BPHL: variants seen among roughly 807,000 people sequenced by gnomAD.
BPHL encodes biphenyl hydrolase like.
Under a neutral mutation model 31.2 loss-of-function variants are expected in BPHL, and 27 were observed. The observed-to-expected ratio is 0.87, with a 90% CI of 0.64 to 1.19. The LOEUF (loss-of-function observed/expected upper bound fraction) is 1.19. BPHL is among the 50% of genes most tolerant of loss of function. The probability of loss-of-function intolerance (pLI) is 0.00; values close to 1 mark genes in which losing one functional copy is unlikely to be tolerated. For missense variants in BPHL, 356 were observed against 375.7 expected (o/e 0.95, Z 0.43); for synonymous variants, 150 against 146.8 (o/e 1.02, Z -0.16).
rs761715848 is a variant in BPHL, at chr6:3,140,434, T to C, written c.713T>C (p.Ile238Thr). ...LLPRVQCPAL[I>T]VHGEKDPLVP... ...CCCCGGGTCCAGTGCCCCGCCTTGATTGTGCACGGTGAGAAGGATCCTCTG... is the reference window on the plus strand; with the variant it reads ...CCCCGGGTCCAGTGCCCCGCCTTGACTGTGCACGGTGAGAAGGATCCTCTG... Residue 238 changes from isoleucine (I) to threonine (T), a missense_variant, in exon 6 of 7, where the codon ATT becomes ACT. Ile to Thr is a moderately conservative substitution (Grantham distance 89, BLOSUM62 -1). Transcript: ENST00000380379. The surrounding 1 kb of genome is among the most constrained non-coding windows in gnomAD (Gnocchi z 5.2). 8 of 1,614,118 alleles carry C rather than the reference T, an allele frequency of 5.0e-6. No individual in the cohort carries two copies. Among genetic ancestry groups the C allele is most frequent in the Middle Eastern group, 1.6e-4 (1 of 6,062 alleles).
intron 3 of BPHL, among the ~76,000 whole-genome samples, chr6:3,128,408 G>A (rs571233939): frequency 6.6e-6 from 1 of 152,220 alleles, no homozygotes; most frequent in Admixed American, 6.5e-5. Context: ...CAAATATCTT[G>A]GAGTAATATT....
intron 1 of BPHL, chr6:3,119,233 G>C: frequency 6.8e-7 from 1 of 1,479,380 alleles, no homozygotes; most frequent in South Asian, 1.2e-5. Context: ...GCTCTGTCCA[G>C]AGTCCACACT....
At chr6:3,125,005 C>T (rs1022262415) in intron 2 of BPHL, among the ~76,000 whole-genome samples, 2 of 151,692 alleles carry the variant, frequency 1.3e-5, no homozygotes, top group Non-Finnish European at 1.5e-5. Context: ...TCCATTATTT[C>T]GGTATTGCAG....
intron 4 of BPHL, among the ~76,000 whole-genome samples, chr6:3,137,018 G>A (rs951941093): frequency 2.6e-5 from 4 of 152,176 alleles, no homozygotes; most frequent in African/African-American, 9.7e-5. Context: ...TATCTTTAAA[G>A]GAAAGCGGTA....
At position 3,140,203 on chromosome 6, in the gene BPHL, GAA is replaced by G; in HGVS notation, c.665-180_665-179del. ...AACAAACAAGAAACAGAGAGAAACA[GAA>G]AAGGGAACCCAAAGAATGTTAGAGC... On this transcript the variant is annotated intron_variant, in intron 5 of 6. Transcript: ENST00000380379. The surrounding 1 kb of genome is among the most constrained non-coding windows in gnomAD (Gnocchi z 5.2). 1.4e-6 allele frequency: 1 copy of G among 694,504 alleles called. No individual in the cohort carries two copies. The highest frequency in any genetic ancestry group is 2.3e-6 in the Non-Finnish European group (1 of 437,940). 43.0% of individuals were successfully genotyped at this position (694,504 alleles called of 1,614,324 possible). A position where few individuals can be genotyped will look rare whatever the true frequency, so the allele number is the denominator to read the frequency against.
At position 3,145,290 on chromosome 6, in the gene BPHL, G is replaced by A. The variant is rs1311895769; in HGVS notation, c.788+4781G>A. 2.5e-4 allele frequency among the ~76,000 whole-genome samples: 14 copies of A among 55,948 alleles called. 5 individuals are homozygous for A. Among genetic ancestry groups the A allele is most frequent in the Non-Finnish European group, 2.0e-4 (5 of 25,606 alleles). The allele number at this position is 55,948 out of a possible 152,430, so 36.7% of individuals were successfully genotyped here. A position where few individuals can be genotyped will look rare whatever the true frequency, so the allele number is the denominator to read the frequency against. On this transcript the variant is annotated intron_variant, in intron 6 of 6. Transcript: ENST00000380379. Reference sequence around the variant, plus strand: ...TGGTGTGGGTTGGAGTGCTGGTTCGGGTCCGAGTGCTGGTTCGGGGTGGAG... The same window carrying A: ...TGGTGTGGGTTGGAGTGCTGGTTCGAGTCCGAGTGCTGGTTCGGGGTGGAG...
At chr6:3,136,264 C>A (rs1322799048) in intron 4 of BPHL, among the ~76,000 whole-genome samples, 1 of 152,222 alleles carries the variant, frequency 6.6e-6, no homozygotes, top group Non-Finnish European at 1.5e-5. Flanking sequence ...CTCTCCCTTA[C>A]CCTCCGCCCC....
chr6:3,129,692 T>C (rs536523171), intron 4 of BPHL, among the ~76,000 whole-genome samples: 8 of 152,160 alleles, frequency 5.3e-5, no homozygotes, highest in African/African-American at 1.9e-4. Context: ...AAGAAAATAA[T>C]GTTGAGTGTG....
Position 3,123,664 on chromosome 6 carries a change from G to A in BPHL, c.115G>A (p.Val39Ile), listed in dbSNP as rs776128174. 3 of 1,612,868 alleles carry A rather than the reference G, an allele frequency of 1.9e-6. No individual in the cohort carries two copies. Among genetic ancestry groups the A allele is most frequent in the Middle Eastern group, 1.7e-4 (1 of 6,058 alleles). Residue 39 changes from valine to isoleucine, a missense_variant, in exon 2 of 7, where the codon GTA (valine) becomes ATA (isoleucine). Physicochemically the swap from Val to Ile is conservative, Grantham distance 29. Coordinates refer to ENST00000380379, the MANE Select transcript of BPHL (RefSeq NM_004332.4). ...AGPAAAFGTS[V>I]TSAKVAVNGV... ...GTGTTTTTTCTCTTCTAGCACCTCG[G>A]TAACCTCTGCCAAAGTGGCTGTGAA...
chr6:3,138,842 G>A (rs1162145956), intron 5 of BPHL: 1 of 152,216 alleles, frequency 6.6e-6, no homozygotes. Flanking sequence ...GGTGGAAATA[G>A]GGTTAAATCA....
chr6:3,140,625 T>C lies in BPHL; in HGVS notation c.788+116T>C. On this transcript the variant is annotated intron_variant, in intron 6 of 6. Coordinates refer to ENST00000380379, the MANE Select transcript of BPHL (RefSeq NM_004332.4). The surrounding 1 kb of genome is among the most constrained non-coding windows in gnomAD (Gnocchi z 5.2). Reference sequence around the variant, plus strand: ...AGTTTTAGAGTGCACAGCCCCCCTTTTGCCAATGCCAGTCAGTAGCACCGC... The same window carrying C: ...AGTTTTAGAGTGCACAGCCCCCCTTCTGCCAATGCCAGTCAGTAGCACCGC... The C allele has an allele frequency of 6.8e-7, 1 of 1,472,784 alleles. No individual in the cohort carries two copies. Among genetic ancestry groups the C allele is most frequent in the Non-Finnish European group, 9.2e-7 (1 of 1,088,570 alleles). 91.2% of individuals were successfully genotyped at this position (1,472,784 alleles called of 1,614,324 possible). A position where few individuals can be genotyped will look rare whatever the true frequency, so the allele number is the denominator to read the frequency against.
intron 1 of BPHL, chr6:3,119,440 G>C (rs752051319): frequency 6.2e-6 from 10 of 1,611,600 alleles, no homozygotes; most frequent in Non-Finnish European, 6.8e-6. Flanking sequence ...CAGAGGATCT[G>C]ATCTACATGT....
At chr6:3,150,118 C>G (rs1302645856) in intron 6 of BPHL, 1 of 152,244 alleles carries the variant, frequency 6.6e-6, no homozygotes. Flanking sequence ...GATCCAGCGG[C>G]CTGCTTTGGG....
chr6:3,152,723 T>C lies in BPHL; in HGVS notation c.*148T>C, dbSNP rs1762559805. Reference sequence around the variant, plus strand: ...CTAACCAAATGAGAATAATGACATATTGAAAACAGCCTCTAGCTTCAGGCT... The same window carrying C: ...CTAACCAAATGAGAATAATGACATACTGAAAACAGCCTCTAGCTTCAGGCT... On this transcript the variant is annotated 3_prime_UTR_variant, in exon 7 of 7. Coordinates refer to ENST00000380379, the MANE Select transcript of BPHL (RefSeq NM_004332.4). 5.9e-6 allele frequency: 4 copies of C among 672,294 alleles called. No homozygotes were observed. Among genetic ancestry groups the C allele is most frequent in the South Asian group, 4.2e-5 (2 of 47,520 alleles). The allele number at this position is 672,294 out of a possible 1,614,324, so 41.6% of individuals were successfully genotyped here.
chr6:3,132,743 A>T (rs1761907249), intron 4 of BPHL, among the ~76,000 whole-genome samples: 1 of 152,126 alleles, frequency 6.6e-6, no homozygotes. Flanking sequence ...GAGGTGGAGG[A>T]TCACCTGAGC....
intron 1 of BPHL, among the ~76,000 whole-genome samples, chr6:3,120,454 G>GAAT (rs1761538021): frequency 6.6e-6 from 1 of 152,048 alleles, no homozygotes; most frequent in Non-Finnish European, 1.5e-5. Context: ...GATTTTGTAC[G>GAAT]GCCGTTTTAT....
At position 3,140,412 on chromosome 6, in the gene BPHL, C is replaced by G; in HGVS notation, c.691C>G (p.Arg231Gly). 1 of 1,614,158 alleles carries G rather than the reference C, an allele frequency of 6.2e-7. No homozygotes were observed. The highest frequency in any genetic ancestry group is 8.5e-7 in the Non-Finnish European group (1 of 1,180,036). Reference protein sequence around the residue: ...DGNICRHLLPRVQCPALIVHG... With the variant: ...DGNICRHLLPGVQCPALIVHG... ...TAACATCTGCCGGCACCTGCTGCCC[C>G]GGGTCCAGTGCCCCGCCTTGATTGT... Residue 231 changes from arginine to glycine, a missense_variant, in exon 6 of 7, where the codon CGG becomes GGG. Arg to Gly is a moderately radical substitution (Grantham distance 125, BLOSUM62 -2). Transcript: ENST00000380379. The surrounding 1 kb of genome is among the most constrained non-coding windows in gnomAD (Gnocchi z 5.2).
intron 2 of BPHL, among the ~76,000 whole-genome samples, chr6:3,125,348 A>G (rs1761685414): frequency 6.6e-6 from 1 of 151,970 alleles, no homozygotes; most frequent in Non-Finnish European, 1.5e-5. Flanking sequence ...CCTGTCCCCA[A>G]TTTAATTTTT....
chr6:3,135,595 A>T (rs1261653665), intron 4 of BPHL, among the ~76,000 whole-genome samples: 1 of 151,946 alleles, frequency 6.6e-6, no homozygotes, highest in East Asian at 1.9e-4. Flanking sequence ...CATCTCGTTC[A>T]TTCTTATTCT....
Sources: gnomAD v4.1 joint callset for allele counts (sites outside exome capture counted in the v4.1 genomes callset) on GRCh38, gnomAD v4.1.1 for gene constraint, Gnocchi (gnomAD v3.1) non-coding constraint, MANE v1.5 for transcripts, NCBI Gene and HGNC (gene_info 2026-07-23, HGNC 2026-07-21) for gene names.